The following NRXN1 variants were observed in gnomAD, a reference collection of about 807,000 sequenced individuals.
The protein encoded by NRXN1 is neurexin-1.
In NRXN1, 39 loss-of-function variants were observed where a neutral mutation model predicts 150.9. The ratio of observed to expected loss-of-function variants is 0.26; its 90% CI spans 0.20 to 0.34. The LOEUF is 0.34. NRXN1 is among the 10% of genes least tolerant of loss of function. The probability of loss-of-function intolerance (pLI) is 1.00; values close to 1 mark genes in which losing one functional copy is unlikely to be tolerated. For synonymous variants in NRXN1, 924 were observed against 757.0 expected (o/e 1.22, Z -3.62); for missense variants, 1,815 against 1,949.9 (o/e 0.93, Z 1.30).
chr2:50,366,558 T>C (rs1002616230), intron 17 of NRXN1, among the ~76,000 whole-genome samples: 1 of 151,990 alleles, frequency 6.6e-6, no homozygotes, highest in Admixed American at 6.6e-5. Flanking sequence ...CTAAAAATAC[T>C]TGCTTTCCAA....
At chr2:50,022,546 C>T (rs1687726389) in intron 21 of NRXN1, 1 of 152,140 alleles carries the variant, frequency 6.6e-6, no homozygotes, top group Admixed American at 6.6e-5. Context: ...AGCACCAATT[C>T]AAAGTTCTTG....
chr2:49,943,030 A>G (rs547151809), intron 22 of NRXN1, among the ~76,000 whole-genome samples: 9 of 151,300 alleles, frequency 5.9e-5, no homozygotes, highest in African/African-American at 2.2e-4. Flanking sequence ...TAGGCTATGA[A>G]TTCATTCATT....
chr2:50,547,918 G>C (rs72882092), intron 9 of NRXN1, among the ~76,000 whole-genome samples: 19 of 152,232 alleles, frequency 1.2e-4, no homozygotes, highest in African/African-American at 3.9e-4. Flanking sequence ...GGAAATTAGA[G>C]TGAATTTTCC....
chr2:50,248,017 T>C (rs748542199), intron 17 of NRXN1, among the ~76,000 whole-genome samples: 5 of 152,026 alleles, frequency 3.3e-5, no homozygotes, highest in Admixed American at 6.6e-5. Flanking sequence ...TTAGAATCTC[T>C]CTCTTTTTTA....
Position 50,236,901 on chromosome 2 carries a change from G to T in NRXN1, c.3434C>A (p.Pro1145His). 1 of 1,613,288 alleles carries T rather than the reference G, an allele frequency of 6.2e-7. No individual in the cohort carries two copies. Among genetic ancestry groups the T allele is most frequent in the Non-Finnish European group, 8.5e-7 (1 of 1,179,618 alleles). Residue 1145 changes from proline (P) to histidine (H), a missense_variant, in exon 18 of 23, where the codon CCC (proline) becomes CAC (histidine). Around this residue, in one of 6 missense-constraint regions of NRXN1, gnomAD observed 339 missense variants for 440.3 expected, o/e 0.77. Coordinates refer to ENST00000401669, the MANE Select transcript of NRXN1 (RefSeq NM_001330078.2). ...GGCCAGTCTGTCTGCTCGTGTACTG[G>T]GTCGGTCATTAGGAGGCCACTTATA... ...ITYKWPPNDR[P>H]STRADRLAIG...
intron 18 of NRXN1, among the ~76,000 whole-genome samples, chr2:50,218,170 A>C (rs900125203): frequency 6.6e-6 from 1 of 152,046 alleles, no homozygotes; most frequent in Non-Finnish European, 1.5e-5. Context: ...ATTTCTTCAA[A>C]AGTCTTAATG....
intron 5 of NRXN1, among the ~76,000 whole-genome samples, chr2:50,921,461 G>C (rs1686023398): frequency 6.6e-6 from 1 of 151,796 alleles, no homozygotes; most frequent in Non-Finnish European, 1.5e-5. Flanking sequence ...TACCATTTCA[G>C]TGGTGCACAT....
chr2:50,866,929 T>G (rs1377292825), intron 5 of NRXN1, among the ~76,000 whole-genome samples: 1 of 151,950 alleles, frequency 6.6e-6, no homozygotes, highest in Admixed American at 6.6e-5. Context: ...TAACTGACAA[T>G]GTAGTCGAGA....
chr2:50,245,719 TTACTA>T (rs1366101327), intron 17 of NRXN1, among the ~76,000 whole-genome samples: 1 of 151,756 alleles, frequency 6.6e-6, no homozygotes, highest in Non-Finnish European at 1.5e-5. Flanking sequence ...AGAATTTTCT[TTACTA>T]TAATTATGGT....
chr2:50,633,482 T>C (rs748751033), intron 5 of NRXN1, among the ~76,000 whole-genome samples: 3 of 152,012 alleles, frequency 2.0e-5, no homozygotes, highest in Non-Finnish European at 2.9e-5. Flanking sequence ...GTGTGCTTCA[T>C]AGAAGGCTTG....
intron 5 of NRXN1, among the ~76,000 whole-genome samples, chr2:50,800,254 A>C (rs907848190): frequency 2.6e-5 from 4 of 152,156 alleles, no homozygotes; most frequent in African/African-American, 9.6e-5. Flanking sequence ...TGAGGAGCCC[A>C]GTTTTCTCCT....
At chr2:50,864,325 T>A (rs1676562559) in intron 5 of NRXN1, among the ~76,000 whole-genome samples, 1 of 152,014 alleles carries the variant, frequency 6.6e-6, no homozygotes, top group Non-Finnish European at 1.5e-5. Context: ...AACACACACA[T>A]GAACTTCAGC....
chr2:50,278,768 T>A (rs1210833614), intron 17 of NRXN1, among the ~76,000 whole-genome samples: 3 of 152,112 alleles, frequency 2.0e-5, no homozygotes, highest in Non-Finnish European at 2.9e-5. Context: ...TGGCAAAATA[T>A]TGTGAACAGG....
At chr2:50,451,438 G>T (rs1183793792) in intron 17 of NRXN1, among the ~76,000 whole-genome samples, 1 of 152,078 alleles carries the variant, frequency 6.6e-6, no homozygotes, top group Non-Finnish European at 1.5e-5. Flanking sequence ...CTTTTTGAAG[G>T]TATAGCTCTT....
At chr2:50,344,395 CA>C (rs2077774428) in intron 17 of NRXN1, among the ~76,000 whole-genome samples, 1 of 151,890 alleles carries the variant, frequency 6.6e-6, no homozygotes, top group Non-Finnish European at 1.5e-5. Context: ...TTGAAAAAAA[CA>C]AAGAATCAGA....
intron 5 of NRXN1, among the ~76,000 whole-genome samples, chr2:50,802,503 AAGGAAGGAAGGAAGGAAGG>A (rs1559284186): frequency 0.012 from 974 of 77,956 alleles, 54 homozygotes; most frequent in African/African-American, 0.034. Context: ...AGAGAAATGG[AAGGAAGGAAGGAAGGAAGG>A]AAGGAAGGAA....
chr2:50,145,464 T>C (rs1707873170), intron 18 of NRXN1, among the ~76,000 whole-genome samples: 1 of 151,772 alleles, frequency 6.6e-6, no homozygotes, highest in Admixed American at 6.6e-5. Context: ...AAGTAGATTA[T>C]TTGATCTCAT....
chr2:50,609,569 G>A (rs139024973), intron 8 of NRXN1, among the ~76,000 whole-genome samples: 79 of 152,222 alleles, frequency 5.2e-4, no homozygotes, highest in African/African-American at 1.4e-3. Flanking sequence ...CTGAAGCACA[G>A]AAACATCAAC....
intron 8 of NRXN1, among the ~76,000 whole-genome samples, chr2:50,596,653 T>C (rs529639469): frequency 8.5e-5 from 13 of 152,096 alleles, no homozygotes; most frequent in Non-Finnish European, 1.8e-4. Flanking sequence ...AGGTCAAAAC[T>C]ACGAAAAGCT....
Sources: gnomAD v4.1 joint callset for allele counts (sites outside exome capture counted in the v4.1 genomes callset) on GRCh38, gnomAD v4.1.1 for gene constraint, gnomAD v4.1.1 regional missense constraint, MANE v1.5 for transcripts, NCBI Gene and HGNC (gene_info 2026-07-23, HGNC 2026-07-21) for gene names.